The following EGLN3 variants were observed in gnomAD, a reference collection of about 807,000 sequenced individuals.
EGLN3 encodes the protein prolyl hydroxylase EGLN3.
In EGLN3, 15 loss-of-function variants were observed where a neutral mutation model predicts 26.0. That is an observed-to-expected ratio of 0.58 (90% confidence interval 0.39 to 0.89). EGLN3 has a LOEUF of 0.89. Ranked by LOEUF, EGLN3 falls within the 40% of genes least tolerant of loss-of-function variation. EGLN3 has a pLI of 0.00. For missense variants in EGLN3, 238 were observed against 311.6 expected (o/e 0.76, Z 1.78); for synonymous variants, 147 against 127.2 (o/e 1.16, Z -1.05).
intron 1 of EGLN3, among the ~76,000 whole-genome samples, chr14:33,933,235 C>T (rs1292301246): frequency 1.3e-5 from 2 of 151,722 alleles, no homozygotes; most frequent in African/African-American, 4.8e-5. Flanking sequence ...TAAGCATCAA[C>T]CCTTGAAAAA....
At chr14:33,930,948 T>A in intron 2 of EGLN3, 148 bp downstream of exon 2, 2 of 1,224,958 alleles carry the variant, frequency 1.6e-6, no homozygotes, top group South Asian at 2.9e-5. Flanking sequence ...AATTCCATTG[T>A]CGCAGGAGGT....
At chr14:33,940,970 C>T (rs759956702) in intron 1 of EGLN3, among the ~76,000 whole-genome samples, 1 of 152,140 alleles carries the variant, frequency 6.6e-6, no homozygotes, top group Non-Finnish European at 1.5e-5. Context: ...CTGCTCTCTC[C>T]AGGAATCAAA....
At chr14:33,936,252 A>AATAAATAAATAAATAAATAAAT (rs61642690) in intron 1 of EGLN3, among the ~76,000 whole-genome samples, 2 of 152,002 alleles carry the variant, frequency 1.3e-5, no homozygotes, top group African/African-American at 4.8e-5. Context: ...TAAATAAATA[A>AATAAATAAATAAATAAATAAAT]GAGTTGGGAG....
chr14:33,931,329 G>A (rs1336534542), intron 1 of EGLN3, 114 bp from the exon 2 acceptor site: 2 of 1,483,756 alleles, frequency 1.3e-6, no homozygotes, highest in Admixed American at 2.1e-5. Context: ...GACATTTACA[G>A]GTAGTTGCTG....
At position 33,931,233 on chromosome 14, in the gene EGLN3, G is replaced by C; in HGVS notation, c.358-18C>G. On this transcript the variant is annotated intron_variant, in intron 1 of 4. Transcript: ENST00000250457. Reference sequence around the variant, plus strand: ...ACCATTGCCTATGGAGAAATCCCAAGAAAGCTGGTTAACAAAGCTGAGACA... The same window carrying C: ...ACCATTGCCTATGGAGAAATCCCAACAAAGCTGGTTAACAAAGCTGAGACA... The C allele has an allele frequency of 3.7e-6, 6 of 1,614,052 alleles. No individual in the cohort carries two copies. The highest frequency in any genetic ancestry group is 5.1e-6 in the Non-Finnish European group (6 of 1,179,952).
At chr14:33,936,650 C>G (rs1032834215) in intron 1 of EGLN3, among the ~76,000 whole-genome samples, 11 of 151,766 alleles carry the variant, frequency 7.2e-5, no homozygotes, top group Admixed American at 5.9e-4. Context: ...AACAAAGGCA[C>G]TATATGTGCT....
rs1482647050 is a variant in EGLN3, at chr14:33,925,458, T to C, written c.*433A>G. 1 of 163,792 alleles carries C rather than the reference T, an allele frequency of 6.1e-6. No homozygotes were observed. Among genetic ancestry groups the C allele is most frequent in the Non-Finnish European group, 1.3e-5 (1 of 74,678 alleles). The allele number at this position is 163,792 out of a possible 1,614,324, so 10.1% of individuals were successfully genotyped here. A position where few individuals can be genotyped will look rare whatever the true frequency, so the allele number is the denominator to read the frequency against. ...TGTTCAGATGACACAAATTTCTCTG[T>C]TTCCTGCTGTTAAGGCTTCCGTGAT... On this transcript the variant is annotated 3_prime_UTR_variant, in exon 5 of 5. Transcript: ENST00000250457.
At chr14:33,946,196 G>A (rs2064516700) in intron 1 of EGLN3, among the ~76,000 whole-genome samples, 1 of 152,144 alleles carries the variant, frequency 6.6e-6, no homozygotes, top group South Asian at 2.1e-4. Flanking sequence ...GACCAACAAG[G>A]AGAAACCCCG....
intron 1 of EGLN3, among the ~76,000 whole-genome samples, chr14:33,940,754 A>C (rs1409939592): frequency 6.6e-6 from 1 of 152,110 alleles, no homozygotes; most frequent in Non-Finnish European, 1.5e-5. Context: ...CAACTGCACT[A>C]GTTAATTTGG....
intron 1 of EGLN3, among the ~76,000 whole-genome samples, chr14:33,947,013 A>AGTATTT (rs1444804670): frequency 1.3e-5 from 2 of 152,254 alleles, no homozygotes; most frequent in African/African-American, 4.8e-5. Context: ...TAAAGTGCAT[A>AGTATTT]GCACAGTGCC....
rs1466514506 is a variant in EGLN3 at position 33,924,465 on chromosome 14, T to C, written c.*1426A>G. ...ACAAAATAGAGCAGTCGTTGAGAAT[T>C]AATGGTGACATGTCTTATCTGGAAA... On this transcript the variant is annotated 3_prime_UTR_variant, in exon 5 of 5. Transcript: ENST00000250457. 1.3e-5 allele frequency: 2 copies of C among 152,084 alleles called. No individual in the cohort carries two copies. The highest frequency in any genetic ancestry group is 2.9e-5 in the Non-Finnish European group (2 of 68,018). 9.4% of individuals were successfully genotyped at this position (152,084 alleles called of 1,614,324 possible).
intron 1 of EGLN3, among the ~76,000 whole-genome samples, chr14:33,946,113 A>G: frequency 6.6e-6 from 1 of 152,100 alleles, no homozygotes; most frequent in Non-Finnish European, 1.5e-5. Context: ...GGTGGCTCAC[A>G]CCTGTAATCC....
At chr14:33,946,454 G>C (rs1043767496) in intron 1 of EGLN3, among the ~76,000 whole-genome samples, 2 of 152,124 alleles carry the variant, frequency 1.3e-5, no homozygotes, top group Non-Finnish European at 2.9e-5. Context: ...GTACTCAACT[G>C]ACCCACTTCA....
At chr14:33,934,910 A>G (rs2064430357) in intron 1 of EGLN3, among the ~76,000 whole-genome samples, 1 of 152,232 alleles carries the variant, frequency 6.6e-6, no homozygotes, top group Non-Finnish European at 1.5e-5. Context: ...TCCATTGTTT[A>G]AGATTTGTTG....
intron 1 of EGLN3, among the ~76,000 whole-genome samples, chr14:33,932,848 G>A (rs1029431151): frequency 5.3e-5 from 8 of 152,014 alleles, no homozygotes; most frequent in Admixed American, 1.3e-4. Flanking sequence ...AGAATTGATG[G>A]GCCTAGCAAG....
chr14:33,949,083 G>A (rs1295714255), intron 1 of EGLN3: 1 of 152,198 alleles, frequency 6.6e-6, no homozygotes, highest in Non-Finnish European at 1.5e-5. Flanking sequence ...AATTTAGAAA[G>A]CAGTATCTTC....
chr14:33,931,009 A>C, intron 2 of EGLN3, 87 bp downstream of exon 2: 1 of 1,550,128 alleles, frequency 6.5e-7, no homozygotes, highest in Non-Finnish European at 8.7e-7. Flanking sequence ...GGCAACTATG[A>C]ACTCAATATA....
At chr14:33,927,952 T>C (rs914365449) in intron 3 of EGLN3, among the ~76,000 whole-genome samples, 3 of 151,488 alleles carry the variant, frequency 2.0e-5, no homozygotes, top group Non-Finnish European at 4.4e-5. Context: ...TCATGCTTGG[T>C]TTTTTTTTAA....
In EGLN3 at chr14:33,950,592, C is replaced by T; in HGVS notation, c.161G>A (p.Gly54Glu). 1 of 1,613,356 alleles carries T rather than the reference C, an allele frequency of 6.2e-7. No homozygotes were observed. The highest frequency in any genetic ancestry group is 8.5e-7 in the Non-Finnish European group (1 of 1,179,792). The change falls in exon 1 of 5, where the codon GGG (glycine) becomes GAG (glutamate). Residue 54 changes from glycine to glutamate, a missense_variant. Coordinates refer to ENST00000250457, the MANE Select transcript of EGLN3 (RefSeq NM_022073.4). ...LERVKQLHCTGALRDGQLAGP... is the reference protein window; with the variant it reads ...LERVKQLHCTEALRDGQLAGP... ...CGCCAGCTGGCCGTCCCGCAGGGCC[C>T]CGGTGCAGTGCAGCTGCTTGACGCG...
Sources: allele counts gnomAD v4.1 joint callset (sites outside exome capture counted in the v4.1 genomes callset), GRCh38; gene constraint gnomAD v4.1.1; transcripts MANE v1.5; gene names NCBI Gene and HGNC (gene_info 2026-07-23, HGNC 2026-07-21).